Variants in ASPRV1 observed in about 807,000 individuals in gnomAD.
The protein encoded by ASPRV1 is aspartic peptidase retroviral like 1, also known as retroviral-like aspartic protease 1.
A neutral mutation model predicts 11.0 loss-of-function variants in ASPRV1; 7 were observed. That is an observed-to-expected ratio of 0.64 (90% confidence interval 0.36 to 1.20). The LOEUF (loss-of-function observed/expected upper bound fraction) is 1.20. ASPRV1 is among the 50% of genes most tolerant of loss of function. The pLI, the probability that ASPRV1 is intolerant of heterozygous loss-of-function variation, is 0.02. For synonymous variants in ASPRV1, 136 were observed against 138.4 expected (o/e 0.98, Z 0.12); for missense variants, 299 against 320.0 (o/e 0.93, Z 0.50).
At chr2:70,061,769 C>A in the ASPRV1 span, among the ~76,000 whole-genome samples, 1 of 149,486 alleles carries the variant, frequency 6.7e-6, no homozygotes, top group African/African-American at 2.5e-5. Context: ...GCCAACATAG[C>A]GAAACCCTGT....
chr2:70,082,576 G>A, the ASPRV1 span, among the ~76,000 whole-genome samples: 8 of 152,122 alleles, frequency 5.3e-5, no homozygotes, highest in African/African-American at 1.9e-4. Context: ...CGGGTGTGGC[G>A]GCACATGCCT....
At chr2:70,061,836 G>A in the ASPRV1 span, among the ~76,000 whole-genome samples, 1 of 151,560 alleles carries the variant, frequency 6.6e-6, no homozygotes, top group South Asian at 2.1e-4. Context: ...GGTGGTGGAC[G>A]CCTGCATTCC....
At chr2:70,035,020 T>C in the ASPRV1 span, 3 of 152,298 alleles carry the variant, frequency 2.0e-5, no homozygotes, top group East Asian at 5.8e-4. Context: ...AAATCACAAA[T>C]GGCATACAGC....
the ASPRV1 span, among the ~76,000 whole-genome samples, chr2:70,001,850 A>G: frequency 3.3e-5 from 5 of 152,222 alleles, no homozygotes; most frequent in Admixed American, 2.0e-4. Context: ...TAAAGTGGCA[A>G]TAAGAAGGGA....
At chr2:70,003,653 C>T in the ASPRV1 span, among the ~76,000 whole-genome samples, 2 of 152,184 alleles carry the variant, frequency 1.3e-5, no homozygotes, top group African/African-American at 4.8e-5. Flanking sequence ...CACCAAGGGC[C>T]TTGGGTGTTG....
chr2:69,941,381 G>A, the ASPRV1 span: 4 of 152,148 alleles, frequency 2.6e-5, no homozygotes, highest in Non-Finnish European at 5.9e-5. Flanking sequence ...AATTCTTCAA[G>A]GTGCTGATAG....
chr2:69,972,813 G>A, the ASPRV1 span, among the ~76,000 whole-genome samples: 3 of 151,934 alleles, frequency 2.0e-5, no homozygotes, highest in African/African-American at 4.8e-5. Context: ...GATGGCTTGC[G>A]TCCTGCTTGG....
the ASPRV1 span, among the ~76,000 whole-genome samples, chr2:69,972,904 C>A: frequency 6.6e-6 from 1 of 152,010 alleles, no homozygotes; most frequent in Non-Finnish European, 1.5e-5. Flanking sequence ...CTGTGCCTGG[C>A]CAGGCTAATC....
At position 69,960,493 on chromosome 2, in the gene ASPRV1, CA is replaced by C. The variant is rs1678043618; in HGVS notation, c.*163del. On this transcript the variant is annotated 3_prime_UTR_variant, in exon 1 of 1. Transcript: ENST00000320256. Reference sequence around the variant, plus strand: ...CCTGTTCAGTGGAAGCCTCCCCTACCAGGGGCAGATTAAGGCCCCTGCAGAG... The same window carrying C: ...CCTGTTCAGTGGAAGCCTCCCCTACCGGGGCAGATTAAGGCCCCTGCAGAG... 1 of 727,178 alleles carries C rather than the reference CA, an allele frequency of 1.4e-6. No homozygotes were observed. The highest frequency in any genetic ancestry group is 1.9e-5 in the South Asian group (1 of 51,798). 45.0% of individuals were successfully genotyped at this position (727,178 alleles called of 1,614,324 possible).
chr2:69,972,056 TTTTC>T, the ASPRV1 span, among the ~76,000 whole-genome samples: 3 of 151,930 alleles, frequency 2.0e-5, no homozygotes, highest in South Asian at 2.1e-4. Flanking sequence ...GTCTTCTAGG[TTTTC>T]TTTACCATTT....
At chr2:69,992,349 C>T in the ASPRV1 span, among the ~76,000 whole-genome samples, 1 of 152,212 alleles carries the variant, frequency 6.6e-6, no homozygotes, top group South Asian at 2.1e-4. Flanking sequence ...GATTCCTTTA[C>T]AATCGTTGCT....
the ASPRV1 span, among the ~76,000 whole-genome samples, chr2:70,072,896 TAA>T: frequency 1.0e-4 from 7 of 70,326 alleles, no homozygotes; most frequent in Non-Finnish European, 1.9e-4. Context: ...TATAAAAAAC[TAA>T]AAAAAAAAAA....
chr2:69,949,362 AAG>A, the ASPRV1 span, among the ~76,000 whole-genome samples: 1 of 152,204 alleles, frequency 6.6e-6, no homozygotes, highest in Non-Finnish European at 1.5e-5. Context: ...AAGGCAGGAC[AAG>A]AGTCTCCAGT....
chr2:70,082,838 G>A, the ASPRV1 span, among the ~76,000 whole-genome samples: 2 of 152,166 alleles, frequency 1.3e-5, no homozygotes, highest in Non-Finnish European at 2.9e-5. Flanking sequence ...AGGTGGCAGT[G>A]AGCTACGATG....
the ASPRV1 span, among the ~76,000 whole-genome samples, chr2:70,058,909 CAG>C: frequency 1.7e-4 from 18 of 108,200 alleles, no homozygotes; most frequent in Non-Finnish European, 2.3e-4. Flanking sequence ...TTTTTTGAGA[CAG>C]AGTCTCACTC....
chr2:70,030,867 AT>A, the ASPRV1 span: 1 of 152,220 alleles, frequency 6.6e-6, no homozygotes, highest in African/African-American at 2.4e-5. Flanking sequence ...CAATAAACAT[AT>A]GCTGAATGCC....
the ASPRV1 span, chr2:69,936,922 A>ATGAT: frequency 2.0e-6 from 1 of 509,950 alleles, no homozygotes; most frequent in East Asian, 5.5e-5. Context: ...AAGGGAGATC[A>ATGAT]GGTTGGGGAC....
chr2:69,995,920 A>G, the ASPRV1 span, among the ~76,000 whole-genome samples: 67 of 152,188 alleles, frequency 4.4e-4, no homozygotes, highest in African/African-American at 1.6e-3. Flanking sequence ...AGATGGTTGG[A>G]ATCATCCTTA....
At chr2:70,084,413 G>C in the ASPRV1 span, among the ~76,000 whole-genome samples, 1 of 152,114 alleles carries the variant, frequency 6.6e-6, no homozygotes, top group Admixed American at 6.5e-5. Flanking sequence ...CAGTTTAGTG[G>C]TTAAGAATGG....
Sources: gnomAD v4.1 joint callset for allele counts (sites outside exome capture counted in the v4.1 genomes callset) on GRCh38, gnomAD v4.1.1 for gene constraint, MANE v1.5 for transcripts, NCBI Gene and HGNC (gene_info 2026-07-23, HGNC 2026-07-21) for gene names.